The following EIF2AK1 variants were observed in gnomAD, a reference collection of about 807,000 sequenced individuals.
EIF2AK1 encodes the protein eukaryotic translation initiation factor 2-alpha kinase 1.
Under a neutral mutation model 77.9 loss-of-function variants are expected in EIF2AK1, and 54 were observed. The observed-to-expected ratio is 0.69, with a 90% CI of 0.56 to 0.87. The LOEUF is 0.87. Among genes scored for constraint, EIF2AK1 ranks in the 40% least tolerant of loss-of-function variants. The probability of loss-of-function intolerance (pLI) is 0.00; values close to 1 mark genes in which losing one functional copy is unlikely to be tolerated. For missense variants in EIF2AK1, 810 were observed against 768.6 expected (o/e 1.05, Z -0.64); for synonymous variants, 314 against 290.5 (o/e 1.08, Z -0.82).
chr7:6,041,220 CT>C lies in EIF2AK1; in HGVS notation c.792-2del, dbSNP rs1400960746. On this transcript the variant is annotated splice_acceptor_variant, in intron 8 of 14. Transcript: ENST00000199389. LOFTEE classifies it high-confidence loss of function. ...ATCATTTTTAACACCACATTGCTCT[CT>C]GAAAAAAAAAAAAATAGTAAACATA... The C allele has an allele frequency of 6.6e-7, 1 of 1,511,802 alleles. No individual in the cohort carries two copies. Among genetic ancestry groups the C allele is most frequent in the Admixed American group, 2.2e-5 (1 of 44,904 alleles). 93.6% of individuals were successfully genotyped at this position (1,511,802 alleles called of 1,614,324 possible). A position where few individuals can be genotyped will look rare whatever the true frequency, so the allele number is the denominator to read the frequency against.
At position 6,035,880 on chromosome 7, in the gene EIF2AK1, G is replaced by T. The variant is rs113729563; in HGVS notation, c.1332+1544C>A. Reference sequence around the variant, plus strand: ...AGTGTGCACTGCATCAAGCAAAGCAGGCCGACTCCTCGGGGCGGGGGTCAG... The same window carrying T: ...AGTGTGCACTGCATCAAGCAAAGCATGCCGACTCCTCGGGGCGGGGGTCAG... On this transcript the variant is annotated intron_variant, in intron 11 of 14. Transcript: ENST00000199389. The surrounding 1 kb of genome is among the most constrained non-coding windows in gnomAD (Gnocchi z 5.5). 9.6e-4 allele frequency: 1,487 copies of T among 1,547,054 alleles called. 10 individuals carry two copies. The African/African-American group carries it at 0.018, about 19-fold the overall frequency.
At chr7:6,037,336 T>C (rs914028550) in intron 11 of EIF2AK1, 88 bp downstream of exon 11, 2 of 819,364 alleles carry the variant, frequency 2.4e-6, no homozygotes, top group Admixed American at 2.0e-5. Flanking sequence ...CTAGGACATG[T>C]AATCTTATTT....
chr7:6,057,126 CTTTTTTTTTTT>C (rs34958065), intron 1 of EIF2AK1, among the ~76,000 whole-genome samples: 2 of 90,738 alleles, frequency 2.2e-5, no homozygotes, highest in Non-Finnish European at 4.2e-5. Context: ...GACCCCATCT[CTTTTTTTTTTT>C]TTTTTTTTTT....
chr7:6,049,732 T>G, intron 3 of EIF2AK1, 180 bp downstream of exon 3: 1 of 512,360 alleles, frequency 2.0e-6, no homozygotes, highest in Non-Finnish European at 3.3e-6. Flanking sequence ...CCTCAAATGA[T>G]CCATCTCAGC....
At chr7:6,031,725 A>ACACTGCAGGCTTTGGGGAG in intron 11 of EIF2AK1, 5 of 860,394 alleles carry the variant, frequency 5.8e-6, no homozygotes, top group Non-Finnish European at 9.0e-6. Flanking sequence ...CACTCCACAC[A>ACACTGCAGGCTTTGGGGAG]CACTGCAGTG....
At chr7:6,049,874 A>G in intron 3 of EIF2AK1, 38 bp downstream of exon 3, 1 of 1,559,102 alleles carries the variant, frequency 6.4e-7, no homozygotes, top group Non-Finnish European at 8.7e-7. Flanking sequence ...ATTAAAGTAT[A>G]TTTTTGTCAT....
Position 6,036,135 on chromosome 7 carries a change from T to G in EIF2AK1, c.1332+1289A>C, listed in dbSNP as rs1358389848. The G allele has an allele frequency of 1.3e-6, 2 of 1,550,644 alleles. No individual in the cohort carries two copies. Among genetic ancestry groups the G allele is most frequent in the Non-Finnish European group, 1.7e-6 (2 of 1,146,994 alleles). On this transcript the variant is annotated intron_variant, in intron 11 of 14. Transcript: ENST00000199389. This position sits in a 1 kb window ranked among gnomAD's most constrained non-coding sequence, Gnocchi z 4.6. ...TACGGCACTTCTGGCCAGGCTACTT[T>G]ATCACACTTATCCTCTGAGAATGAC... is the stretch of plus-strand genomic sequence containing the variant.
At chr7:6,054,482 G>C in intron 2 of EIF2AK1, 64 bp downstream of exon 2, 1 of 1,582,460 alleles carries the variant, frequency 6.3e-7, no homozygotes, top group South Asian at 1.1e-5. Flanking sequence ...GGGATTACAG[G>C]CATGAACCAC....
intron 1 of EIF2AK1, among the ~76,000 whole-genome samples, chr7:6,055,676 TAA>T (rs34819894): frequency 0.042 from 4,902 of 116,160 alleles, 107 homozygotes; most frequent in Non-Finnish European, 0.066. Flanking sequence ...ACTAAACAGG[TAA>T]AAAAAAAAAA....
Position 6,023,917 on chromosome 7 carries a change from G to T in EIF2AK1, c.*756C>A. 1 of 1,481,194 alleles carries T rather than the reference G, an allele frequency of 6.8e-7. No homozygotes were observed. Among genetic ancestry groups the T allele is most frequent in the Non-Finnish European group, 9.0e-7 (1 of 1,111,306 alleles). The allele number at this position is 1,481,194 out of a possible 1,614,324, so 91.8% of individuals were successfully genotyped here. On this transcript the variant is annotated 3_prime_UTR_variant, in exon 15 of 15. Coordinates refer to ENST00000199389, the MANE Select transcript of EIF2AK1 (RefSeq NM_014413.4). ...CCAACTCCATGGCAGACCCTTTCTG[G>T]GATTCAAAAACCAATTCATCAGATC...
rs1170330623 is a variant in EIF2AK1 at position 6,035,276 on chromosome 7, C to G, written c.1332+2148G>C. 6.6e-6 allele frequency among the ~76,000 whole-genome samples: 1 copy of G among 152,082 alleles called. No individual in the cohort carries two copies. Among genetic ancestry groups the G allele is most frequent in the Non-Finnish European group, 1.5e-5 (1 of 68,012 alleles). On this transcript the variant is annotated intron_variant, in intron 11 of 14. Coordinates refer to ENST00000199389, the MANE Select transcript of EIF2AK1 (RefSeq NM_014413.4). The surrounding 1 kb of genome is among the most constrained non-coding windows in gnomAD (Gnocchi z 5.5). ...CATCCCACCACATCCCACGAAAAACCCTGGGATAGCCTGAGAAACTACCCA... is the reference window on the plus strand; with the variant it reads ...CATCCCACCACATCCCACGAAAAACGCTGGGATAGCCTGAGAAACTACCCA...
At chr7:6,028,253 TG>T (rs1263113755) in intron 13 of EIF2AK1, among the ~76,000 whole-genome samples, 11 of 71,740 alleles carry the variant, frequency 1.5e-4, no homozygotes, top group African/African-American at 2.8e-4. Flanking sequence ...TTGTACTGTT[TG>T]TTTTTTTTTT....
At chr7:6,056,613 A>AAAAATATATATATATATAT in intron 1 of EIF2AK1, among the ~76,000 whole-genome samples, 10 of 43,732 alleles carry the variant, frequency 2.3e-4, no homozygotes, top group Non-Finnish European at 4.2e-4. Flanking sequence ...AAAAAAAAAA[A>AAAAATATATATATATATAT]ATATATATAT....
At position 6,049,982 on chromosome 7, in the gene EIF2AK1, C is replaced by A; in HGVS notation, c.341G>T (p.Ser114Ile). 6.2e-7 allele frequency: 1 copy of A among 1,613,164 alleles called. No homozygotes were observed. The highest frequency in any genetic ancestry group is 8.5e-7 in the Non-Finnish European group (1 of 1,179,658). ...TCTGTTGTGATGTAGTCTCAATGAG[C>A]TAAACTCGTCACTACAAGTGAAAGA... is the stretch of plus-strand genomic sequence containing the variant. ...LSSFTCSDEFSSLRLHHNRAI... is the reference protein window; with the variant it reads ...LSSFTCSDEFISLRLHHNRAI... Residue 114 changes from serine (S) to isoleucine (I), a missense_variant, in exon 3 of 15, where the codon AGC becomes ATC. Coordinates refer to ENST00000199389, the MANE Select transcript of EIF2AK1 (RefSeq NM_014413.4).
chr7:6,039,829 C>T (rs934630337), intron 9 of EIF2AK1, among the ~76,000 whole-genome samples: 14 of 151,298 alleles, frequency 9.3e-5, no homozygotes, highest in African/African-American at 2.9e-4. Flanking sequence ...TCCAGCTACT[C>T]GGGAGGCTGA....
Position 6,040,971 on chromosome 7 carries a change from C to T in EIF2AK1, c.1040G>A (p.Arg347His), listed in dbSNP as rs140364200. ...SIVEQQLPLR[R>H]NSHLEESFTS... is the part of the protein sequence containing the mutation. ...GAAACTCTCCTCTAGGTGGGAATTA[C>T]GCCTGAGTGGCAGCTGCTGTTCCAC... Residue 347 changes from arginine (R) to histidine (H), a missense_variant, in exon 9 of 15, where the codon CGT becomes CAT. By Grantham distance (29) the Arg-to-His change is conservative (BLOSUM62 0). Around this residue, in one of 3 missense-constraint regions of EIF2AK1, gnomAD observed 549 missense variants for 533.7 expected, o/e 1.03. Transcript: ENST00000199389. 1.2e-3 allele frequency: 1,998 copies of T among 1,614,168 alleles called. 1 individual carries two copies. The highest frequency in any genetic ancestry group is 1.5e-3 in the Non-Finnish European group (1,826 of 1,180,036).
intron 8 of EIF2AK1, among the ~76,000 whole-genome samples, chr7:6,041,495 T>C (rs1583488714): frequency 6.6e-6 from 1 of 151,064 alleles, no homozygotes; most frequent in East Asian, 1.9e-4. Flanking sequence ...GCTGAGATCA[T>C]GCCACTGTAC....
rs1211249209 is a variant in EIF2AK1, at chr7:6,035,655, A to G, written c.1332+1769T>C. On this transcript the variant is annotated intron_variant, in intron 11 of 14. Coordinates refer to ENST00000199389, the MANE Select transcript of EIF2AK1 (RefSeq NM_014413.4). The surrounding 1 kb of genome is among the most constrained non-coding windows in gnomAD (Gnocchi z 5.5). ...CAAACGTTCACCACTCCACCTGGCCATAGCATATGGTTGCTATCCAGTTCT... is the reference window on the plus strand; with the variant it reads ...CAAACGTTCACCACTCCACCTGGCCGTAGCATATGGTTGCTATCCAGTTCT... The G allele has an allele frequency of 2.6e-6, 4 of 1,550,754 alleles. No individual in the cohort carries two copies. Among genetic ancestry groups the G allele is most frequent in the East Asian group, 2.4e-5 (1 of 40,918 alleles).
At chr7:6,049,232 C>T (rs1383870212) in intron 3 of EIF2AK1, among the ~76,000 whole-genome samples, 1 of 104,602 alleles carries the variant, frequency 9.6e-6, no homozygotes, top group East Asian at 3.8e-4. Flanking sequence ...AATCCTGTAC[C>T]ACCTCCCATC....
Sources: gnomAD v4.1 joint callset for allele counts (sites outside exome capture counted in the v4.1 genomes callset) on GRCh38, gnomAD v4.1.1 for gene constraint, gnomAD v4.1.1 regional missense constraint, Gnocchi (gnomAD v3.1) non-coding constraint, MANE v1.5 for transcripts, NCBI Gene and HGNC (gene_info 2026-07-23, HGNC 2026-07-21) for gene names.